The following HDAC8 variants were observed in gnomAD, a reference collection of about 807,000 sequenced individuals.
The protein encoded by HDAC8 is histone deacetylase 8, also known as histone deacetylase-like 1.
HDAC8 carries 1 observed loss-of-function variant against 32.2 expected under a neutral mutation model. The ratio of observed to expected loss-of-function variants is 0.03; its 90% CI spans 0.01 to 0.15. The LOEUF (loss-of-function observed/expected upper bound fraction) is 0.15, where lower values mean the gene tolerates loss of function less well. Ranked by LOEUF, HDAC8 falls within the 10% of genes least tolerant of loss-of-function variation. The pLI is 1.00. For missense variants in HDAC8, 117 were observed against 300.0 expected, an observed-to-expected ratio of 0.39 and a Z score of 4.51; for synonymous variants, 108 against 113.9, an observed-to-expected ratio of 0.95 and a Z score of 0.33.
chrX:72,368,930 T>G (rs2044784142), intron 9 of HDAC8, among the ~76,000 whole-genome samples: 1 of 112,184 alleles, frequency 8.9e-6, no homozygotes, highest in Admixed American at 9.4e-5. Flanking sequence ...TTACACATGC[T>G]TCTTCAACAC....
intron 9 of HDAC8, among the ~76,000 whole-genome samples, chrX:72,352,666 C>T (rs1282435736): frequency 8.9e-6 from 1 of 111,913 alleles, no homozygotes; most frequent in Admixed American, 9.5e-5. Flanking sequence ...AGTTTCTCTA[C>T]TTTAATTTTT....
At chrX:72,350,005 A>G (rs1569233012) in intron 10 of HDAC8, among the ~76,000 whole-genome samples, 2 of 111,770 alleles carry the variant, frequency 1.8e-5, no homozygotes, top group Non-Finnish European at 3.8e-5. Context: ...GGAACACAGG[A>G]CATGCGTACC....
At chrX:72,451,546 G>A (rs2047571662) in intron 9 of HDAC8, among the ~76,000 whole-genome samples, 1 of 112,074 alleles carries the variant, frequency 8.9e-6, no homozygotes, top group Non-Finnish European at 1.9e-5. Flanking sequence ...GTAGCCAGAG[G>A]GGAAAAGATA....
chrX:72,343,312 G>C (rs943690835), intron 10 of HDAC8, among the ~76,000 whole-genome samples: 1 of 109,724 alleles, frequency 9.1e-6, no homozygotes, highest in Non-Finnish European at 1.9e-5. Context: ...TGGGACTACA[G>C]GTATATGTCA....
chrX:72,550,810 A>C (rs983232737), intron 4 of HDAC8, among the ~76,000 whole-genome samples: 1 of 110,858 alleles, frequency 9.0e-6, no homozygotes, highest in Admixed American at 9.7e-5. Flanking sequence ...TATTACTCTA[A>C]AATTCTGGTC....
At chrX:72,513,587 C>T (rs1328164530) in intron 4 of HDAC8, among the ~76,000 whole-genome samples, 2 of 111,065 alleles carry the variant, frequency 1.8e-5, no homozygotes, top group African/African-American at 6.6e-5. Context: ...CTTAGCCTCC[C>T]AAAATGCTGG....
intron 7 of HDAC8, among the ~76,000 whole-genome samples, chrX:72,487,651 T>G (rs1340691191): frequency 1.8e-5 from 2 of 108,409 alleles, no homozygotes; most frequent in African/African-American, 3.4e-5. Flanking sequence ...GTGCTGACCT[T>G]TCAATTAAGA....
chrX:72,500,431 T>C (rs1984859268), intron 4 of HDAC8, among the ~76,000 whole-genome samples: 1 of 111,966 alleles, frequency 8.9e-6, no homozygotes, highest in Admixed American at 9.5e-5. Context: ...TAATCCACCA[T>C]GATCAAGTAG....
intron 9 of HDAC8, among the ~76,000 whole-genome samples, chrX:72,444,871 A>C (rs1466002402): frequency 9.2e-6 from 1 of 108,698 alleles, no homozygotes; most frequent in Non-Finnish European, 1.9e-5. Context: ...CAAAAATCAC[A>C]AGCATTCTTA....
At chrX:72,501,932 C>CA (rs1556016333) in intron 4 of HDAC8, among the ~76,000 whole-genome samples, 3 of 111,708 alleles carry the variant, frequency 2.7e-5, no homozygotes, top group Non-Finnish European at 5.6e-5. Context: ...AAGAGAAAAA[C>CA]AAAAACCCAA....
intron 4 of HDAC8, among the ~76,000 whole-genome samples, chrX:72,532,249 A>ATTTTTTTTTTT (rs34829256): frequency 5.5e-5 from 3 of 54,193 alleles, no homozygotes; most frequent in Admixed American, 3.0e-4. Flanking sequence ...CGTGTTGGGC[A>ATTTTTTTTTTT]TTTTTTTTTT....
rs1490658847 is a variant in HDAC8, at chrX:72,464,730, C to T, written c.739G>A (p.Val247Ile). Residue 247 changes from valine to isoleucine, a missense_variant and splice_region_variant, in exon 8 of 11, where the codon GTA (valine) becomes ATA (isoleucine). This residue lies in a region of HDAC8 where 57 missense variants were observed against 182.0 expected (regional missense o/e 0.31). Coordinates refer to ENST00000373573, the MANE Select transcript of HDAC8 (RefSeq NM_018486.3). ...DEKYYQICES[V>I]LKEVYQAFNP... ...AAGGCTTGGTATACTTCCTTTAGTA[C>T]ACTATATAAAATAGAAAGGATACAA... 6 of 1,188,012 alleles carry T rather than the reference C, an allele frequency of 5.1e-6. No homozygotes were observed. The highest frequency in any genetic ancestry group is 5.7e-6 in the Non-Finnish European group (5 of 875,653).
At position 72,403,751 on chromosome X, in the gene HDAC8, C is replaced by T. The variant is rs782773090; in HGVS notation, c.1006-51913G>A. On this transcript the variant is annotated intron_variant, in intron 9 of 10. Transcript: ENST00000373573. ...CTGAGGCAGGAGAATCGCTTGAACT[C>T]GAGAGATGGAGGTTGCAGTGAGCTG... 1.2e-3 allele frequency among the ~76,000 whole-genome samples: 135 copies of T among 111,652 alleles called. 1 individual carries two copies. The highest frequency in any genetic ancestry group is 8.5e-4 in the Admixed American group (9 of 10,538).
At chrX:72,477,514 C>G (rs1459991647) in intron 7 of HDAC8, among the ~76,000 whole-genome samples, 1 of 111,824 alleles carries the variant, frequency 8.9e-6, no homozygotes, top group Non-Finnish European at 1.9e-5. Context: ...CTGAGGGCCT[C>G]CCTAAGATTC....
At chrX:72,478,480 C>T (rs1039954495) in intron 7 of HDAC8, among the ~76,000 whole-genome samples, 11 of 111,171 alleles carry the variant, frequency 9.9e-5, no homozygotes, top group Non-Finnish European at 1.9e-4. Context: ...CCCCTCAACA[C>T]GGAGCTGGCG....
chrX:72,395,620 T>G (rs2045740347), intron 9 of HDAC8, among the ~76,000 whole-genome samples: 1 of 112,049 alleles, frequency 8.9e-6, no homozygotes, highest in Non-Finnish European at 1.9e-5. Flanking sequence ...GAAAGTTTTT[T>G]CCCCCTCAAA....
chrX:72,359,797 G>A (rs2044488398), intron 9 of HDAC8, among the ~76,000 whole-genome samples: 1 of 111,228 alleles, frequency 9.0e-6, no homozygotes, highest in Admixed American at 9.6e-5. Context: ...GCTCTCTCCT[G>A]TAATCCTAGC....
chrX:72,443,070 C>G (rs1327270610), intron 9 of HDAC8, among the ~76,000 whole-genome samples: 1 of 108,404 alleles, frequency 9.2e-6, no homozygotes, highest in Admixed American at 9.9e-5. Flanking sequence ...GACTTAGACT[C>G]CCACACAATA....
At chrX:72,426,537 T>G (rs183646191) in intron 9 of HDAC8, among the ~76,000 whole-genome samples, 34 of 112,504 alleles carry the variant, frequency 3.0e-4, no homozygotes, top group African/African-American at 1.1e-3. Context: ...TAACAATGCC[T>G]AGTCAAAATA....
Sources: gnomAD v4.1 joint callset for allele counts (sites outside exome capture counted in the v4.1 genomes callset) on GRCh38, gnomAD v4.1.1 for gene constraint, gnomAD v4.1.1 regional missense constraint, MANE v1.5 for transcripts, NCBI Gene and HGNC (gene_info 2026-07-23, HGNC 2026-07-21) for gene names.